PHYKPL: variants seen among roughly 807,000 people sequenced by gnomAD.
PHYKPL encodes the protein 5-phosphonooxy-L-lysine phospho-lyase.
Under a neutral mutation model 51.3 loss-of-function variants are expected in PHYKPL, and 42 were observed. That is an observed-to-expected ratio of 0.82 (90% CI 0.64 to 1.06). The LOEUF (loss-of-function observed/expected upper bound fraction) is 1.06. Ranked by LOEUF, PHYKPL falls within the 50% of genes least tolerant of loss-of-function variation. The pLI, the probability that PHYKPL is intolerant of heterozygous loss-of-function variation, is 0.00. For synonymous variants in PHYKPL, 264 were observed against 236.0 expected (o/e 1.12, Z -1.09); for missense variants, 655 against 586.6 (o/e 1.12, Z -1.20).
At chr5:178,217,393 GTA>G (rs778141396) in intron 8 of PHYKPL, among the ~76,000 whole-genome samples, 1 of 151,846 alleles carries the variant, frequency 6.6e-6, no homozygotes, top group Non-Finnish European at 1.5e-5. Flanking sequence ...GCTAATTTTT[GTA>G]TTTTTAGTAG....
chr5:178,232,150 T>A, intron 1 of PHYKPL: 1 of 1,198,218 alleles, frequency 8.3e-7, no homozygotes, highest in South Asian at 1.9e-5. Context: ...GGTGAGGTCC[T>A]CTCAGGCGCC....
In PHYKPL at chr5:178,215,435, G is replaced by A; in HGVS notation, c.928-5C>T. The A allele has an allele frequency of 6.2e-7, 1 of 1,607,420 alleles. No homozygotes were observed. Among genetic ancestry groups the A allele is most frequent in the African/African-American group, 1.3e-5 (1 of 74,812 alleles). On this transcript the variant is annotated splice_region_variant and splice_polypyrimidine_tract_variant and intron_variant, in intron 8 of 12. Transcript: ENST00000308158. ...GGACACTGGGCTGCCCCCAAACTGAGCCAGGGACAAAGAACATGTCAGATG... is the reference window on the plus strand; with the variant it reads ...GGACACTGGGCTGCCCCCAAACTGAACCAGGGACAAAGAACATGTCAGATG...
chr5:178,219,837 TA>T (rs1760771975), intron 8 of PHYKPL, among the ~76,000 whole-genome samples: 1 of 152,130 alleles, frequency 6.6e-6, no homozygotes, highest in Admixed American at 6.6e-5. Flanking sequence ...GGGAATGGCA[TA>T]TCAAGACCAT....
chr5:178,224,389 G>T, intron 6 of PHYKPL, 59 bp downstream of exon 6: 1 of 1,455,102 alleles, frequency 6.9e-7, no homozygotes, highest in Non-Finnish European at 9.3e-7. Context: ...GCACAGTGGC[G>T]GTGACAACGG....
intron 8 of PHYKPL, among the ~76,000 whole-genome samples, chr5:178,218,417 C>T (rs554275493): frequency 6.6e-6 from 1 of 152,162 alleles, no homozygotes; most frequent in South Asian, 2.1e-4. Context: ...ATCCTAACCT[C>T]CAATGTGATG....
chr5:178,218,082 T>C, intron 8 of PHYKPL, among the ~76,000 whole-genome samples: 1 of 110,138 alleles, frequency 9.1e-6, no homozygotes, highest in East Asian at 2.5e-4. Context: ...CCGGGCGTGG[T>C]AGCGGGCGCC....
intron 2 of PHYKPL, 147 bp downstream of exon 2, chr5:178,231,258 G>A (rs1763339297): frequency 2.2e-6 from 3 of 1,339,664 alleles, no homozygotes; most frequent in Non-Finnish European, 3.1e-6. Flanking sequence ...CAGCTATATT[G>A]CGAAGGCTGA....
chr5:178,224,384 G>C (rs1241288312), intron 6 of PHYKPL, 64 bp downstream of exon 6: 4 of 1,450,516 alleles, frequency 2.8e-6, no homozygotes, highest in Non-Finnish European at 3.7e-6. Context: ...ATCTAGCACA[G>C]TGGCGGTGAC....
intron 12 of PHYKPL, chr5:178,210,121 TC>T (rs1554103711): frequency 6.2e-7 from 1 of 1,613,640 alleles, no homozygotes; most frequent in Non-Finnish European, 8.5e-7. Flanking sequence ...TGTGCCCTGC[TC>T]CCCCCACAGG....
chr5:178,230,186 C>A (rs747275278), intron 2 of PHYKPL, 87 bp from the exon 3 acceptor site: 30 of 1,529,458 alleles, frequency 2.0e-5, no homozygotes, highest in Non-Finnish European at 2.7e-5. Flanking sequence ...TAAACCCAGC[C>A]AGAAGAGATG....
In PHYKPL at chr5:178,210,269, T is replaced by C; in HGVS notation, c.*32-1354A>G. ...TTACGGCTACGGCCCCGGCTACGACTACAGTAAGTAGGAGAGAGGGAGGCC... is the reference window on the plus strand; with the variant it reads ...TTACGGCTACGGCCCCGGCTACGACCACAGTAAGTAGGAGAGAGGGAGGCC... On this transcript the variant is annotated intron_variant, in intron 12 of 12. Coordinates refer to ENST00000308158, the MANE Select transcript of PHYKPL (RefSeq NM_153373.4). 6.2e-7 allele frequency: 1 copy of C among 1,614,104 alleles called. No individual in the cohort carries two copies. Among genetic ancestry groups the C allele is most frequent in the Non-Finnish European group, 8.5e-7 (1 of 1,179,992 alleles).
chr5:178,214,977 G>T, intron 9 of PHYKPL, 92 bp from the exon 10 acceptor site: 1 of 1,193,236 alleles, frequency 8.4e-7, no homozygotes, highest in Non-Finnish European at 1.2e-6. Flanking sequence ...TGCCTCCTGA[G>T]GGGGCTGAGT....
downstream of PHYKPL, among the ~76,000 whole-genome samples, chr5:178,207,680 C>T (rs956648571): frequency 1.4e-5 from 2 of 143,818 alleles, no homozygotes; most frequent in African/African-American, 2.6e-5. Context: ...CACTTCCATC[C>T]ACTTTGAGCA....
At chr5:178,225,644 C>G in intron 3 of PHYKPL, 1 of 562,994 alleles carries the variant, frequency 1.8e-6, no homozygotes, top group Non-Finnish European at 3.2e-6. Context: ...CTTGGCCCTT[C>G]TGGAATTTAC....
At chr5:178,215,610 T>G in intron 8 of PHYKPL, 180 bp from the exon 9 acceptor site, 1 of 680,060 alleles carries the variant, frequency 1.5e-6, no homozygotes, top group South Asian at 2.2e-5. Flanking sequence ...TGGGCTGTCC[T>G]GGCTTTCCAG....
At chr5:178,227,010 G>C (rs987356551) in intron 3 of PHYKPL, among the ~76,000 whole-genome samples, 1 of 152,102 alleles carries the variant, frequency 6.6e-6, no homozygotes, top group Non-Finnish European at 1.5e-5. Context: ...TAAGTGCTAC[G>C]ATGGATGCCC....
At chr5:178,210,086 G>A (rs749813429) in intron 12 of PHYKPL, 34 of 1,604,780 alleles carry the variant, frequency 2.1e-5, no homozygotes, top group East Asian at 8.9e-5. Flanking sequence ...TAGCTCCTGC[G>A]TATGCTAAAT....
chr5:178,207,757 C>T (rs556885148), downstream of PHYKPL, among the ~76,000 whole-genome samples: 1 of 124,996 alleles, frequency 8.0e-6, no homozygotes, highest in South Asian at 2.7e-4. Context: ...GGCTGGGGTG[C>T]GGTAACACAA....
chr5:178,229,734 A>C, intron 3 of PHYKPL: 6 of 535,748 alleles, frequency 1.1e-5, no homozygotes, highest in Non-Finnish European at 1.3e-5. Flanking sequence ...GAAAGGAGGT[A>C]ATAACATCCT....
Sources: allele counts gnomAD v4.1 joint callset (sites outside exome capture counted in the v4.1 genomes callset), GRCh38; gene constraint gnomAD v4.1.1; transcripts MANE v1.5; gene names NCBI Gene and HGNC (gene_info 2026-07-23, HGNC 2026-07-21).